Variants in PCDHGB3 observed in about 807,000 individuals in gnomAD.
PCDHGB3 encodes protocadherin gamma-B3.
A neutral mutation model predicts 59.2 loss-of-function variants in PCDHGB3; 40 were observed. The ratio of observed to expected loss-of-function variants is 0.68; its 90% confidence interval spans 0.52 to 0.88. The LOEUF (loss-of-function observed/expected upper bound fraction) is 0.88, where lower values mean the gene tolerates loss of function less well. Ranked by LOEUF, PCDHGB3 falls within the 40% of genes least tolerant of loss-of-function variation. The pLI is 0.00. For synonymous variants in PCDHGB3, 581 were observed against 503.6 expected, an observed-to-expected ratio of 1.15 and a Z score of -2.06; for missense variants, 1,309 against 1,187.9, an observed-to-expected ratio of 1.10 and a Z score of -1.50.
In PCDHGB3 at chr5:141,398,686, G is replaced by A. The variant is rs2093688431; in HGVS notation, c.2415+25877G>A. On this transcript the variant is annotated intron_variant, in intron 1 of 3. Coordinates refer to ENST00000576222, the MANE Select transcript of PCDHGB3 (RefSeq NM_018924.5). ...CTCATTAATAATTAAGGAGAAACAG[G>A]ATGGTAGTAAATACCCGGAACTGGC... 3 of 1,613,920 alleles carry A rather than the reference G, an allele frequency of 1.9e-6. No individual in the cohort carries two copies. The East Asian group carries it at 6.7e-5, about 36-fold the overall frequency.
At chr5:141,419,739 G>A (rs200899065) in intron 1 of PCDHGB3, 179 of 1,613,652 alleles carry the variant, frequency 1.1e-4, no homozygotes, top group Admixed American at 2.5e-4. Context: ...GGCGAGGTGC[G>A]CATGGTGCGT....
intron 1 of PCDHGB3, chr5:141,398,475 T>C (rs1201280028): frequency 2.0e-5 from 32 of 1,607,296 alleles, no homozygotes; most frequent in Admixed American, 1.7e-4. Flanking sequence ...CACTGAACTT[T>C]TATCACGTGA....
chr5:141,414,378 C>T lies in PCDHGB3; in HGVS notation c.2415+41569C>T, dbSNP rs958748519. ...ATCTACCATTTAAATTAGAAAAGTC[C>T]ATTGACAGTTATTACAGATTGGTGA... On this transcript the variant is annotated intron_variant, in intron 1 of 3. Coordinates refer to ENST00000576222, the MANE Select transcript of PCDHGB3 (RefSeq NM_018924.5). 3.1e-6 allele frequency: 5 copies of T among 1,613,736 alleles called. No individual in the cohort carries two copies. In the African/African-American group the frequency reaches 5.3e-5, roughly 17 times the overall value.
chr5:141,419,852 G>A, intron 1 of PCDHGB3: 1 of 1,614,066 alleles, frequency 6.2e-7, no homozygotes, highest in Non-Finnish European at 8.5e-7. Flanking sequence ...CCTGGTGTTC[G>A]CAGATAGCTT....
In PCDHGB3 at chr5:141,485,132, T is replaced by C. The variant is rs1020670896; in HGVS notation, c.2416-9675T>C. On this transcript the variant is annotated intron_variant, in intron 1 of 3. Transcript: ENST00000576222. This position sits in a 1 kb window ranked among gnomAD's most constrained non-coding sequence, Gnocchi z 5.7. ...GGCTGTTTGGGGCGGGTCGGCTTCATCCGCGTCTCAGGAGCAAGTAGAGAA... is the reference window on the plus strand; with the variant it reads ...GGCTGTTTGGGGCGGGTCGGCTTCACCCGCGTCTCAGGAGCAAGTAGAGAA... 8.1e-6 allele frequency: 12 copies of C among 1,489,136 alleles called. No individual in the cohort carries two copies. Among genetic ancestry groups the C allele is most frequent in the East Asian group, 2.3e-5 (1 of 44,214 alleles). The allele number at this position is 1,489,136 out of a possible 1,614,324, so 92.2% of individuals were successfully genotyped here.
At position 141,429,460 on chromosome 5, in the gene PCDHGB3, C is replaced by T. The variant is rs528924726; in HGVS notation, c.2415+56651C>T. The stretch of plus-strand genomic sequence containing the variant: ...AAACTCTTGGGCTACAGTAATCCTC[C>T]CACCTCAATCTCCAGAGTAGCTGAG... On this transcript the variant is annotated intron_variant, in intron 1 of 3. Transcript: ENST00000576222. Among the ~76,000 whole-genome samples the T allele has an allele frequency of 1.6e-4, 25 of 151,938 alleles. 1 individual carries two copies. The South Asian group carries it at 4.6e-3, about 28-fold the overall frequency.
rs769607720 is a variant in PCDHGB3 at position 141,489,346 on chromosome 5, G to A, written c.2416-5461G>A. 4 of 1,611,652 alleles carry A rather than the reference G, an allele frequency of 2.5e-6. No individual in the cohort carries two copies. The highest frequency in any genetic ancestry group is 3.4e-6 in the Non-Finnish European group (4 of 1,178,446). On this transcript the variant is annotated intron_variant, in intron 1 of 3. Transcript: ENST00000576222. The surrounding 1 kb of genome is among the most constrained non-coding windows in gnomAD (Gnocchi z 4.5). Reference sequence around the variant, plus strand: ...GTCTGGGCAGCTTCGTTACTCAGTGGTGGAGGAGTCTGAGCCGGGGACGCT... The same window carrying A: ...GTCTGGGCAGCTTCGTTACTCAGTGATGGAGGAGTCTGAGCCGGGGACGCT...
intron 1 of PCDHGB3, chr5:141,419,669 C>T: frequency 6.2e-7 from 1 of 1,612,840 alleles, no homozygotes; most frequent in Non-Finnish European, 8.5e-7. Context: ...CAATGCCTGG[C>T]TGTCCTACCA....
chr5:141,394,803 G>A lies in PCDHGB3; in HGVS notation c.2415+21994G>A, dbSNP rs143444747. The A allele has an allele frequency of 2.5e-6, 4 of 1,613,844 alleles. No homozygotes were observed. In the African/African-American group the frequency reaches 4.0e-5, roughly 16 times the overall value. On this transcript the variant is annotated intron_variant, in intron 1 of 3. Coordinates refer to ENST00000576222, the MANE Select transcript of PCDHGB3 (RefSeq NM_018924.5). Reference sequence around the variant, plus strand: ...CGCCACTGTCACGCTCACCGTAGCCGTGGCTGACAGCATCCCCGAAGTCCT... The same window carrying A: ...CGCCACTGTCACGCTCACCGTAGCCATGGCTGACAGCATCCCCGAAGTCCT...
chr5:141,378,324 A>G (rs1774802625), intron 1 of PCDHGB3: 1 of 152,258 alleles, frequency 6.6e-6, no homozygotes, highest in African/African-American at 2.4e-5. Flanking sequence ...GGAGTTCGAG[A>G]CCAGCCTGAC....
chr5:141,407,676 T>C (rs990367714), intron 1 of PCDHGB3, among the ~76,000 whole-genome samples: 1 of 152,162 alleles, frequency 6.6e-6, no homozygotes, highest in African/African-American at 2.4e-5. Flanking sequence ...TAAACAAAGA[T>C]TGGCTTTGTG....
chr5:141,465,643 C>T (rs561758040), intron 1 of PCDHGB3, among the ~76,000 whole-genome samples: 2 of 152,306 alleles, frequency 1.3e-5, no homozygotes, highest in East Asian at 3.9e-4. Flanking sequence ...ATGCTTTGAA[C>T]ATCCCAAAAA....
intron 1 of PCDHGB3, chr5:141,394,736 C>A: frequency 6.2e-7 from 1 of 1,613,456 alleles, no homozygotes; most frequent in Non-Finnish European, 8.5e-7. Flanking sequence ...TCAAGCAGAG[C>A]CTCGTGGTGG....
At chr5:141,499,828 A>G (rs921957227) in intron 2 of PCDHGB3, among the ~76,000 whole-genome samples, 1 of 151,834 alleles carries the variant, frequency 6.6e-6, no homozygotes, top group Non-Finnish European at 1.5e-5. Context: ...CTAGGATTAC[A>G]GGTGTGCACC....
intron 1 of PCDHGB3, chr5:141,414,091 A>C (rs774168035): frequency 7.5e-6 from 12 of 1,594,412 alleles, no homozygotes; most frequent in African/African-American, 1.3e-5. Flanking sequence ...TGGAGAAATA[A>C]AAATATCAGA....
rs537619617 is a variant in PCDHGB3 at position 141,483,429 on chromosome 5, C to G, written c.2416-11378C>G. On this transcript the variant is annotated intron_variant, in intron 1 of 3. Coordinates refer to ENST00000576222, the MANE Select transcript of PCDHGB3 (RefSeq NM_018924.5). ...ACAGTGGCAGTACAGATGGAGGGAGCTGACTACAATAAAATCATCAGGACT... is the reference window on the plus strand; with the variant it reads ...ACAGTGGCAGTACAGATGGAGGGAGGTGACTACAATAAAATCATCAGGACT... Among the ~76,000 whole-genome samples the G allele has an allele frequency of 5.3e-5, 8 of 152,158 alleles. No individual in the cohort carries two copies. In the East Asian group the frequency reaches 1.5e-3, roughly 29 times the overall value.
At chr5:141,406,948 CAT>C (rs777377851) in intron 1 of PCDHGB3, among the ~76,000 whole-genome samples, 2 of 152,096 alleles carry the variant, frequency 1.3e-5, no homozygotes, top group Non-Finnish European at 2.9e-5. Context: ...TTATTTTAAA[CAT>C]AGTGTTGTTT....
intron 1 of PCDHGB3, among the ~76,000 whole-genome samples, chr5:141,482,207 G>T (rs983812650): frequency 6.6e-6 from 1 of 152,130 alleles, no homozygotes; most frequent in East Asian, 1.9e-4. Flanking sequence ...AAACAGACCA[G>T]GTACTTGTTT....
chr5:141,445,272 T>C (rs1057201147), intron 1 of PCDHGB3, among the ~76,000 whole-genome samples: 1 of 152,236 alleles, frequency 6.6e-6, no homozygotes, highest in Non-Finnish European at 1.5e-5. Flanking sequence ...TCGAAACCAC[T>C]CTGCATAAGT....
Sources: allele counts gnomAD v4.1 joint callset (sites outside exome capture counted in the v4.1 genomes callset), GRCh38; gene constraint gnomAD v4.1.1; non-coding constraint Gnocchi (gnomAD v3.1); transcripts MANE v1.5; gene names NCBI Gene and HGNC (gene_info 2026-07-23, HGNC 2026-07-21).